TMEM117: variants seen among roughly 807,000 people sequenced by gnomAD.
TMEM117 encodes transmembrane protein 117.
In TMEM117, 27 loss-of-function variants were observed where a neutral mutation model predicts 52.4. The ratio of observed to expected loss-of-function variants is 0.51; its 90% confidence interval spans 0.38 to 0.71. The LOEUF is 0.71. Ranked by LOEUF, TMEM117 falls within the 30% of genes least tolerant of loss-of-function variation. TMEM117 has a pLI of 0.00. For synonymous variants in TMEM117, 215 were observed against 206.3 expected, an observed-to-expected ratio of 1.04 and a Z score of -0.36; for missense variants, 556 against 630.5, an observed-to-expected ratio of 0.88 and a Z score of 1.26.
intron 3 of TMEM117, among the ~76,000 whole-genome samples, chr12:44,127,847 G>C (rs752653749): frequency 7.9e-5 from 12 of 152,320 alleles, no homozygotes; most frequent in Non-Finnish European, 1.6e-4. Flanking sequence ...CTGGTTGCCA[G>C]ATCCACAGTT....
At chr12:44,251,951 A>G (rs559705924) in intron 5 of TMEM117, among the ~76,000 whole-genome samples, 1 of 151,966 alleles carries the variant, frequency 6.6e-6, no homozygotes, top group African/African-American at 2.4e-5. Flanking sequence ...CTTACTGCAG[A>G]TTCCTTACTT....
the TMEM117 span, among the ~76,000 whole-genome samples, chr12:44,396,568 T>C: frequency 1.9e-3 from 282 of 152,178 alleles, 1 homozygote; most frequent in East Asian, 0.022. Context: ...AATTGATTCA[T>C]TTAGGCCGGG....
intron 6 of TMEM117, among the ~76,000 whole-genome samples, chr12:44,301,066 C>T (rs1451829682): frequency 2.6e-5 from 4 of 152,224 alleles, no homozygotes; most frequent in Admixed American, 1.3e-4. Context: ...TGATACCTCT[C>T]TGAACCCATC....
intron 4 of TMEM117, among the ~76,000 whole-genome samples, chr12:44,201,014 A>C (rs1486440969): frequency 6.6e-6 from 1 of 152,194 alleles, no homozygotes; most frequent in East Asian, 1.9e-4. Flanking sequence ...CAGAAGTTGG[A>C]AGAGTCCTCC....
At chr12:44,373,237 A>C (rs953788246) in intron 6 of TMEM117, among the ~76,000 whole-genome samples, 1 of 152,194 alleles carries the variant, frequency 6.6e-6, no homozygotes, top group African/African-American at 2.4e-5. Flanking sequence ...CCCACATTGC[A>C]CAAGAAACCA....
intron 6 of TMEM117, among the ~76,000 whole-genome samples, chr12:44,333,740 T>G (rs1335155971): frequency 1.3e-5 from 2 of 152,016 alleles, no homozygotes; most frequent in Non-Finnish European, 2.9e-5. Context: ...GATAGCAGCA[T>G]GAGAACAAAC....
At chr12:44,365,622 A>G (rs1951779443) in intron 6 of TMEM117, among the ~76,000 whole-genome samples, 1 of 152,006 alleles carries the variant, frequency 6.6e-6, no homozygotes, top group Non-Finnish European at 1.5e-5. Flanking sequence ...TACCATATAT[A>G]TTTGCGTGTG....
chr12:43,940,515 T>C (rs996709406), intron 2 of TMEM117, among the ~76,000 whole-genome samples: 1 of 152,102 alleles, frequency 6.6e-6, no homozygotes, highest in Non-Finnish European at 1.5e-5. Context: ...ACCTCTATTT[T>C]CCACAACATA....
chr12:44,225,134 AC>A (rs1427726878), intron 5 of TMEM117, among the ~76,000 whole-genome samples: 2 of 152,324 alleles, frequency 1.3e-5, no homozygotes, highest in African/African-American at 4.8e-5. Context: ...AAAGAAAGGA[AC>A]AAAGACTATA....
chr12:43,800,337 GATTATCC>G, the TMEM117 span: 7 of 797,586 alleles, frequency 8.8e-6, no homozygotes, highest in Non-Finnish European at 1.4e-5. Flanking sequence ...CATGTTTTCA[GATTATCC>G]ATCTGAATTC....
At chr12:44,100,996 C>G (rs777143410) in intron 3 of TMEM117, among the ~76,000 whole-genome samples, 13 of 151,814 alleles carry the variant, frequency 8.6e-5, no homozygotes, top group Non-Finnish European at 1.9e-4. Flanking sequence ...GATTAAGGTA[C>G]CTGCAGATTC....
intron 2 of TMEM117, among the ~76,000 whole-genome samples, chr12:43,877,755 G>T (rs1691320808): frequency 6.6e-6 from 1 of 152,068 alleles, no homozygotes; most frequent in Non-Finnish European, 1.5e-5. Context: ...AATAAAATGT[G>T]GATCATTCAT....
At chr12:44,300,463 G>A (rs1012635405) in intron 6 of TMEM117, among the ~76,000 whole-genome samples, 1 of 152,096 alleles carries the variant, frequency 6.6e-6, no homozygotes, top group Non-Finnish European at 1.5e-5. Flanking sequence ...CCCTCCTGAG[G>A]CATTGTAAGT....
At position 44,143,653 on chromosome 12, in the gene TMEM117, A is replaced by G. The variant is rs112265726; in HGVS notation, c.510+29A>G. On this transcript the variant is annotated intron_variant, in intron 4 of 7. Transcript: ENST00000266534. ...AGAAAATTTTAACTTCACCCATTTC[A>G]AACATCAAACGGAAGACATGTTCAC... 31 of 1,510,320 alleles carry G rather than the reference A, an allele frequency of 2.1e-5. 1 individual carries two copies. The African/African-American group carries it at 2.5e-4, about 12-fold the overall frequency. 93.6% of individuals were successfully genotyped at this position (1,510,320 alleles called of 1,614,324 possible). A position where few individuals can be genotyped will look rare whatever the true frequency, so the allele number is the denominator to read the frequency against.
At chr12:44,178,694 A>G (rs1949148859) in intron 4 of TMEM117, among the ~76,000 whole-genome samples, 1 of 151,828 alleles carries the variant, frequency 6.6e-6, no homozygotes, top group African/African-American at 2.4e-5. Flanking sequence ...CAATATTTTA[A>G]TTACCCTTGA....
intron 6 of TMEM117, among the ~76,000 whole-genome samples, chr12:44,341,837 G>A (rs1213421404): frequency 6.6e-6 from 1 of 152,132 alleles, no homozygotes; most frequent in Non-Finnish European, 1.5e-5. Flanking sequence ...TGGGCTCAGA[G>A]AATATGTTAA....
chr12:43,907,592 CTT>C (rs926180673), intron 2 of TMEM117, among the ~76,000 whole-genome samples: 6 of 147,042 alleles, frequency 4.1e-5, no homozygotes, highest in African/African-American at 1.2e-4. Context: ...AAGTTGAAAA[CTT>C]TGAAAAAAAT....
chr12:44,031,529 C>A (rs865995383), intron 3 of TMEM117, among the ~76,000 whole-genome samples: 5 of 152,168 alleles, frequency 3.3e-5, no homozygotes, highest in Admixed American at 6.5e-5. Context: ...CTGAAATGTT[C>A]ATGAATATCA....
chr12:44,021,749 G>A (rs1231483044), intron 3 of TMEM117, among the ~76,000 whole-genome samples: 3 of 152,118 alleles, frequency 2.0e-5, no homozygotes, highest in Non-Finnish European at 4.4e-5. Context: ...CCTAACATAG[G>A]CATGTAAGCC....
Sources: allele counts gnomAD v4.1 joint callset (sites outside exome capture counted in the v4.1 genomes callset), GRCh38; gene constraint gnomAD v4.1.1; transcripts MANE v1.5; gene names NCBI Gene and HGNC (gene_info 2026-07-23, HGNC 2026-07-21).